FHOD3: variants seen among roughly 807,000 people sequenced by gnomAD.
FHOD3 encodes the protein FH1/FH2 domain-containing protein 3.
Under a neutral mutation model 173.0 loss-of-function variants are expected in FHOD3, and 90 were observed. The ratio of observed to expected loss-of-function variants is 0.52; its 90% CI spans 0.44 to 0.62. FHOD3 has a LOEUF of 0.62. Ranked by LOEUF, FHOD3 falls within the 20% of genes least tolerant of loss-of-function variation. FHOD3 has a pLI of 0.00. For synonymous variants in FHOD3, 828 were observed against 823.0 expected (o/e 1.01, Z -0.10); for missense variants, 1,945 against 2,034.7 (o/e 0.96, Z 0.85).
intron 14 of FHOD3, 125 bp from the exon 15 acceptor site, chr18:36,681,311 A>T (rs1159589644): frequency 8.6e-7 from 1 of 1,165,834 alleles, no homozygotes; most frequent in Admixed American, 2.6e-5. Flanking sequence ...GCATTCAGTG[A>T]TTTTCCCCAA....
At chr18:36,548,605 T>A (rs543636092) in intron 5 of FHOD3, among the ~76,000 whole-genome samples, 1 of 152,282 alleles carries the variant, frequency 6.6e-6, no homozygotes, top group South Asian at 2.1e-4. Flanking sequence ...ACCCATCCCT[T>A]CCCCAGGCAA....
chr18:36,499,503 C>T (rs1304406711), intron 3 of FHOD3, among the ~76,000 whole-genome samples: 1 of 152,150 alleles, frequency 6.6e-6, no homozygotes, highest in East Asian at 1.9e-4. Context: ...ATACATGGCC[C>T]ATGCTTTCAC....
At chr18:36,738,267 T>G (rs915371019) in intron 20 of FHOD3, among the ~76,000 whole-genome samples, 1 of 152,254 alleles carries the variant, frequency 6.6e-6, no homozygotes, top group Admixed American at 6.5e-5. Flanking sequence ...TTGGCAGTTA[T>G]GAATAAAGCT....
intron 3 of FHOD3, among the ~76,000 whole-genome samples, chr18:36,380,552 GTTTTCTTTTCTTTTCTTTTC>G: frequency 1.3e-5 from 1 of 79,450 alleles, no homozygotes; most frequent in East Asian, 6.2e-4. Context: ...TCTTTCTTTT[GTTTTCTTTTCTTTTCTTTTC>G]TTTTCTTTTC....
At chr18:36,366,512 C>T (rs534511364) in intron 2 of FHOD3, among the ~76,000 whole-genome samples, 2 of 152,324 alleles carry the variant, frequency 1.3e-5, no homozygotes, top group South Asian at 4.1e-4. Flanking sequence ...TCTTATTTTA[C>T]AGACAATAAA....
intron 5 of FHOD3, among the ~76,000 whole-genome samples, chr18:36,567,421 T>C (rs73429668): frequency 0.013 from 1,991 of 152,248 alleles, 47 homozygotes; most frequent in African/African-American, 0.045. Flanking sequence ...CACATCGCTG[T>C]TAGATTTCTT....
At chr18:36,423,560 G>A (rs892788253) in intron 3 of FHOD3, among the ~76,000 whole-genome samples, 4 of 152,146 alleles carry the variant, frequency 2.6e-5, no homozygotes, top group Admixed American at 6.5e-5. Context: ...TCAATGCATC[G>A]AGCCACCTTG....
chr18:36,660,788 G>C (rs903435056), intron 14 of FHOD3, among the ~76,000 whole-genome samples: 2 of 152,170 alleles, frequency 1.3e-5, no homozygotes, highest in African/African-American at 4.8e-5. Flanking sequence ...AGAAGGCTCT[G>C]GAGTTAAATC....
chr18:36,744,101 C>T lies in FHOD3; in HGVS notation c.3949C>T (p.Leu1317Phe). Reference sequence around the variant, plus strand: ...CAAAGACACAGTGCACAAGCAGTCGCTTCTCCACCATGTGTGCACCATGGT... The same window carrying T: ...CAAAGACACAGTGCACAAGCAGTCGTTTCTCCACCATGTGTGCACCATGGT... ...EVKDTVHKQS[L>F]LHHVCTMVVE... Residue 1317 changes from leucine (L) to phenylalanine (F), a missense_variant, in exon 23 of 29, where the codon CTT (leucine) becomes TTT (phenylalanine). Transcript: ENST00000590592. 6.2e-7 allele frequency: 1 copy of T among 1,614,234 alleles called. No homozygotes were observed. Among genetic ancestry groups the T allele is most frequent in the Non-Finnish European group, 8.5e-7 (1 of 1,180,048 alleles).
chr18:36,317,105 T>G (rs79192615), intron 1 of FHOD3, among the ~76,000 whole-genome samples: 3,590 of 152,354 alleles, frequency 0.024, 48 homozygotes, highest in Middle Eastern at 0.044. Flanking sequence ...TGCCACATTT[T>G]CTTTATCTAG....
chr18:36,525,046 AAGATTCTTTC>A (rs1448868707), intron 5 of FHOD3, among the ~76,000 whole-genome samples: 1 of 152,206 alleles, frequency 6.6e-6, no homozygotes, highest in Non-Finnish European at 1.5e-5. Flanking sequence ...GGTGGCCCAG[AAGATTCTTTC>A]CCCCAGTTTA....
chr18:36,373,157 C>T (rs2047273707), intron 3 of FHOD3, among the ~76,000 whole-genome samples: 1 of 152,110 alleles, frequency 6.6e-6, no homozygotes, highest in African/African-American at 2.4e-5. Context: ...TGGGTCAGTG[C>T]AGGATGAGGG....
In FHOD3 at chr18:36,683,346, A is replaced by G. The variant is rs115075308; in HGVS notation, c.1970+1776A>G. Among the ~76,000 whole-genome samples, 803 of 152,330 alleles carry G rather than the reference A, an allele frequency of 5.3e-3. 2 individuals carry two copies. The highest frequency in any genetic ancestry group is 0.019 in the African/African-American group (770 of 41,570). On this transcript the variant is annotated intron_variant, in intron 15 of 28. Coordinates refer to ENST00000590592, the MANE Select transcript of FHOD3 (RefSeq NM_001281740.3). ...AGCTTACATCCAAAGTGTTTTATTG[A>G]AAACCTCTTGAAACAGGGTGCTGGT...
chr18:36,565,400 A>G (rs146382098), intron 5 of FHOD3, among the ~76,000 whole-genome samples: 68 of 152,310 alleles, frequency 4.5e-4, no homozygotes, highest in Non-Finnish European at 7.6e-4. Context: ...AACTCACTGC[A>G]CATTTTCAGA....
chr18:36,671,754 T>C (rs2037548406), intron 14 of FHOD3, among the ~76,000 whole-genome samples: 1 of 152,174 alleles, frequency 6.6e-6, no homozygotes, highest in African/African-American at 2.4e-5. Flanking sequence ...TCAGTGTGTA[T>C]TGATGGCACT....
intron 23 of FHOD3, among the ~76,000 whole-genome samples, chr18:36,745,118 C>T (rs919195608): frequency 2.0e-5 from 3 of 152,116 alleles, no homozygotes; most frequent in African/African-American, 4.8e-5. Context: ...TCAAGGGGCC[C>T]TCCCTCTCTG....
intron 3 of FHOD3, among the ~76,000 whole-genome samples, chr18:36,447,593 A>T (rs2051570251): frequency 6.6e-6 from 1 of 152,216 alleles, no homozygotes. Flanking sequence ...CCTTAAGCAC[A>T]GCTATCAAAA....
intron 14 of FHOD3, among the ~76,000 whole-genome samples, chr18:36,665,418 C>T (rs371455768): frequency 5.9e-4 from 90 of 152,204 alleles, no homozygotes; most frequent in African/African-American, 2.1e-3. Flanking sequence ...GTGAATGCTG[C>T]GAAGAAAATG....
At chr18:36,623,015 C>G (rs1478971516) in intron 9 of FHOD3, among the ~76,000 whole-genome samples, 2 of 152,228 alleles carry the variant, frequency 1.3e-5, no homozygotes, top group Non-Finnish European at 2.9e-5. Flanking sequence ...CATTTGCTCC[C>G]TCCATGCACT....
Sources: allele counts gnomAD v4.1 joint callset (sites outside exome capture counted in the v4.1 genomes callset), GRCh38; gene constraint gnomAD v4.1.1; transcripts MANE v1.5; gene names NCBI Gene and HGNC (gene_info 2026-07-23, HGNC 2026-07-21).